Variants in MAP2K1 observed in about 807,000 individuals in gnomAD.
MAP2K1 encodes the protein dual specificity mitogen-activated protein kinase kinase 1.
Under a neutral mutation model 46.3 loss-of-function variants are expected in MAP2K1, and 16 were observed. That is an observed-to-expected ratio of 0.35 (90% CI 0.23 to 0.52). MAP2K1 has a LOEUF of 0.52. Among genes scored for constraint, MAP2K1 ranks in the 20% least tolerant of loss-of-function variants. MAP2K1 has a pLI of 0.94. For synonymous variants in MAP2K1, 183 were observed against 185.6 expected (o/e 0.99, Z 0.11); for missense variants, 263 against 497.1 (o/e 0.53, Z 4.48).
chr15:66,420,710 T>TATATATATATATA (rs2093436055), intron 1 of MAP2K1, among the ~76,000 whole-genome samples: 1 of 30,186 alleles, frequency 3.3e-5, no homozygotes, highest in Admixed American at 3.3e-4. Flanking sequence ...TCTTGGCATA[T>TATATATATATATA]ATATATATAT....
intron 5 of MAP2K1, among the ~76,000 whole-genome samples, chr15:66,460,518 C>T (rs1034600861): frequency 2.6e-5 from 4 of 152,078 alleles, no homozygotes. Flanking sequence ...AAGTTGTCTA[C>T]AACAAAGGGT....
In MAP2K1 at chr15:66,477,519, G is replaced by A. The variant is rs182788671; in HGVS notation, c.569-4236G>A. 2.7e-3 allele frequency among the ~76,000 whole-genome samples: 407 copies of A among 152,316 alleles called. 1 individual carries two copies. Among genetic ancestry groups the A allele is most frequent in the African/African-American group, 9.4e-3 (392 of 41,568 alleles). ...CAATCCTGGTCTGTAACTTGTGATG[G>A]TATGAGAGCCGCCATTGTGACTGTT... is the stretch of plus-strand genomic sequence containing the variant. On this transcript the variant is annotated intron_variant, in intron 5 of 10. Coordinates refer to ENST00000307102, the MANE Select transcript of MAP2K1 (RefSeq NM_002755.4).
Position 66,443,337 on chromosome 15 carries a change from T to C in MAP2K1, c.496T>C (p.Leu166=). The part of the protein sequence containing the change: ...KKAGRIPEQI[L]GKVSIAVIKG... ...AGCTGGAAGAATTCCTGAACAAATT[T>C]TAGGAAAAGTTAGCATTGCTGTGAG... is the stretch of plus-strand genomic sequence containing the variant. The change falls in exon 4 of 11, where the codon TTA becomes CTA. Residue 166 remains leucine (L), a synonymous_variant. Transcript: ENST00000307102. The C allele has an allele frequency of 6.2e-7, 1 of 1,610,382 alleles. No homozygotes were observed. The highest frequency in any genetic ancestry group is 8.5e-7 in the Non-Finnish European group (1 of 1,176,642).
At chr15:66,487,196 A>C (rs1225615808) in intron 7 of MAP2K1, 32 bp from the exon 8 acceptor site, 1 of 1,590,430 alleles carries the variant, frequency 6.3e-7, no homozygotes, top group South Asian at 1.1e-5. Flanking sequence ...TCTGTTTCTG[A>C]GAAGTATTTT....
At chr15:66,423,509 G>C (rs2093448802) in intron 1 of MAP2K1, among the ~76,000 whole-genome samples, 2 of 149,512 alleles carry the variant, frequency 1.3e-5, no homozygotes, top group Non-Finnish European at 3.0e-5. Flanking sequence ...GTGCAATCTT[G>C]GTTCACTGCA....
intron 1 of MAP2K1, among the ~76,000 whole-genome samples, chr15:66,397,398 C>A (rs2093370766): frequency 6.6e-6 from 1 of 152,044 alleles, no homozygotes; most frequent in Non-Finnish European, 1.5e-5. Context: ...AATAAGAAAC[C>A]CATGAGGGAA....
intron 1 of MAP2K1, among the ~76,000 whole-genome samples, chr15:66,389,728 C>G (rs907798189): frequency 1.3e-5 from 2 of 151,944 alleles, no homozygotes; most frequent in African/African-American, 2.4e-5. Flanking sequence ...GCACGTGCAA[C>G]CGTGCCTGGC....
intron 5 of MAP2K1, among the ~76,000 whole-genome samples, chr15:66,452,516 T>G (rs940792302): frequency 6.6e-6 from 1 of 152,072 alleles, no homozygotes; most frequent in Non-Finnish European, 1.5e-5. Flanking sequence ...TTCTAGGAAA[T>G]AGGAGTAGCT....
intron 1 of MAP2K1, among the ~76,000 whole-genome samples, chr15:66,421,441 A>G (rs1213380960): frequency 1.3e-5 from 2 of 151,140 alleles, no homozygotes; most frequent in African/African-American, 4.9e-5. Flanking sequence ...CTGGCTTATA[A>G]TCTTTTTTTT....
chr15:66,437,226 A>G (rs941257767), intron 3 of MAP2K1, among the ~76,000 whole-genome samples: 5 of 152,336 alleles, frequency 3.3e-5, no homozygotes, highest in Non-Finnish European at 2.9e-5. Flanking sequence ...CTTGTGTACA[A>G]TGCTGTATGC....
At chr15:66,407,895 CTATGTCACACAG>C in intron 1 of MAP2K1, among the ~76,000 whole-genome samples, 1 of 152,202 alleles carries the variant, frequency 6.6e-6, no homozygotes, top group East Asian at 1.9e-4. Flanking sequence ...GAGAAGTTGG[CTATGTCACACAG>C]TATGTTCTAT....
chr15:66,407,005 A>G (rs548320189), intron 1 of MAP2K1, among the ~76,000 whole-genome samples: 105 of 152,210 alleles, frequency 6.9e-4, no homozygotes, highest in African/African-American at 2.4e-3. Flanking sequence ...TCAAAACAAA[A>G]CAAAACAAAA....
At chr15:66,465,040 T>G (rs1321309799) in intron 5 of MAP2K1, among the ~76,000 whole-genome samples, 1 of 150,386 alleles carries the variant, frequency 6.6e-6, no homozygotes, top group Non-Finnish European at 1.5e-5. Context: ...CTGGCCAACA[T>G]GGTGAAACCC....
rs941519942 is a variant in MAP2K1, at chr15:66,490,808, T to C, written c.*193T>C. 9.0e-6 allele frequency: 6 copies of C among 665,956 alleles called. No individual in the cohort carries two copies. The highest frequency in any genetic ancestry group is 8.9e-5 in the African/African-American group (5 of 56,448). The allele number at this position is 665,956 out of a possible 1,614,324, so 41.3% of individuals were successfully genotyped here. On this transcript the variant is annotated 3_prime_UTR_variant, in exon 11 of 11. Transcript: ENST00000307102. ...GTCTTTATTCTTATTACTATTATTG[T>C]TCCCCTAAGTGGATTGGCTTTGTGC...
intron 5 of MAP2K1, among the ~76,000 whole-genome samples, chr15:66,448,655 C>T (rs1407072858): frequency 6.6e-6 from 1 of 152,104 alleles, no homozygotes; most frequent in Admixed American, 6.6e-5. Context: ...ACATATGGTT[C>T]AGTTTTGTGC....
intron 1 of MAP2K1, among the ~76,000 whole-genome samples, chr15:66,418,944 CCT>C (rs955031061): frequency 4.1e-5 from 5 of 121,860 alleles, no homozygotes; most frequent in African/African-American, 6.3e-5. Context: ...CTGTGCCCGG[CCT>C]TTTTTTTTTT....
Position 66,463,481 on chromosome 15 carries a change from G to A in MAP2K1, c.569-18274G>A, listed in dbSNP as rs908531015. ...TGTGCCCACGGTGGTCAGGGCAGGG[G>A]TTTTTTCATTAATTTTTGAAACGGA... On this transcript the variant is annotated intron_variant, in intron 5 of 10. Coordinates refer to ENST00000307102, the MANE Select transcript of MAP2K1 (RefSeq NM_002755.4). Among the ~76,000 whole-genome samples the A allele has an allele frequency of 6.6e-5, 9 of 136,624 alleles. 1 individual carries two copies. The Admixed American group carries it at 7.0e-4, about 11-fold the overall frequency. 89.6% of individuals were successfully genotyped at this position (136,624 alleles called of 152,430 possible). A position where few individuals can be genotyped will look rare whatever the true frequency, so the allele number is the denominator to read the frequency against.
At chr15:66,416,644 T>C (rs2093425325) in intron 1 of MAP2K1, among the ~76,000 whole-genome samples, 2 of 152,234 alleles carry the variant, frequency 1.3e-5, no homozygotes, top group African/African-American at 2.4e-5. Context: ...TCTATGTTTT[T>C]TCTCTTTTTG....
At chr15:66,400,789 C>T (rs546800352) in intron 1 of MAP2K1, among the ~76,000 whole-genome samples, 7 of 152,248 alleles carry the variant, frequency 4.6e-5, no homozygotes, top group Admixed American at 2.0e-4. Context: ...GATTTCGCTG[C>T]ATAACTCCCA....
Sources: allele counts gnomAD v4.1 joint callset (sites outside exome capture counted in the v4.1 genomes callset), GRCh38; gene constraint gnomAD v4.1.1; transcripts MANE v1.5; gene names NCBI Gene and HGNC (gene_info 2026-07-23, HGNC 2026-07-21).